The following PPP2R3B variants were observed in gnomAD, a reference collection of about 807,000 sequenced individuals.
PPP2R3B encodes the protein serine/threonine-protein phosphatase 2A regulatory subunit B'' subunit beta.
A neutral mutation model predicts 72.9 loss-of-function variants in PPP2R3B; 68 were observed. The ratio of observed to expected loss-of-function variants is 0.93; its 90% confidence interval spans 0.77 to 1.14. The LOEUF (loss-of-function observed/expected upper bound fraction) is 1.14. Ranked by LOEUF, PPP2R3B falls within the 50% of genes most tolerant of loss-of-function variation. PPP2R3B has a pLI of 0.00. For synonymous variants in PPP2R3B, 466 were observed against 375.8 expected (o/e 1.24, Z -2.78); for missense variants, 1,018 against 842.0 (o/e 1.21, Z -2.59).
chrX:348,107 C>T (rs1183460742), intron 2 of PPP2R3B, among the ~76,000 whole-genome samples: 2 of 152,164 alleles, frequency 1.3e-5, no homozygotes, highest in East Asian at 3.9e-4. Flanking sequence ...CAGCAGCGAC[C>T]CATGGCAGGT....
intron 1 of PPP2R3B, among the ~76,000 whole-genome samples, chrX:377,553 C>A (rs1456446019): frequency 1.2e-5 from 1 of 85,316 alleles, no homozygotes. Flanking sequence ...CCGTCCACAC[C>A]CAGTGGGGCC....
At chrX:385,421 C>T (rs1219118452) in intron 1 of PPP2R3B, among the ~76,000 whole-genome samples, 1 of 145,820 alleles carries the variant, frequency 6.9e-6, no homozygotes, top group East Asian at 2.1e-4. Flanking sequence ...TCTCCTGCCT[C>T]AGCCTCCCGG....
In PPP2R3B at chrX:356,691, C is replaced by T. The variant is rs118006919; in HGVS notation, c.510+4714G>A. Among the ~76,000 whole-genome samples the T allele has an allele frequency of 3.5e-3, 526 of 152,350 alleles. 3 individuals carry two copies. The highest frequency in any genetic ancestry group is 0.024 in the Middle Eastern group (7 of 294). Reference sequence around the variant, plus strand: ...AGCAAAAACCAAAGCAACCAGACGTCTATCAACCCTGGAACAGGGGAGAGA... The same window carrying T: ...AGCAAAAACCAAAGCAACCAGACGTTTATCAACCCTGGAACAGGGGAGAGA... On this transcript the variant is annotated intron_variant, in intron 2 of 12. Coordinates refer to ENST00000390665, the MANE Select transcript of PPP2R3B (RefSeq NM_013239.5).
intron 2 of PPP2R3B, among the ~76,000 whole-genome samples, chrX:354,274 C>T (rs954983007): frequency 2.1e-4 from 31 of 149,366 alleles, no homozygotes; most frequent in African/African-American, 6.9e-4. Context: ...ACCAGGGGCT[C>T]ACCCAAACAC....
chrX:346,631 C>T (rs1211564830), intron 5 of PPP2R3B, 70 bp downstream of exon 5: 1 of 1,444,324 alleles, frequency 6.9e-7, no homozygotes, highest in Non-Finnish European at 9.5e-7. Context: ...CCGCAGAAGC[C>T]CCGCGGCGGC....
At chrX:364,096 G>A (rs1027768686) in intron 1 of PPP2R3B, among the ~76,000 whole-genome samples, 14 of 152,220 alleles carry the variant, frequency 9.2e-5, no homozygotes, top group African/African-American at 3.1e-4. Flanking sequence ...TGGGCCGAGC[G>A]GGCTCACCCG....
chrX:339,300 C>T (rs745875802), intron 10 of PPP2R3B, among the ~76,000 whole-genome samples: 83 of 140,030 alleles, frequency 5.9e-4, no homozygotes, highest in African/African-American at 2.2e-3. Context: ...AGGGCGGTGC[C>T]CGGGCCTCAG....
chrX:340,944 C>T lies in PPP2R3B; in HGVS notation c.1176-4G>A, dbSNP rs369447243. ...GCAGCGGAACCAGTACTCGATGCTG[C>T]GGCACGGCGAGCTCTGTCAGCCCCT... On this transcript the variant is annotated splice_region_variant and splice_polypyrimidine_tract_variant and intron_variant, in intron 9 of 12. Transcript: ENST00000390665. 1.6e-5 allele frequency: 25 copies of T among 1,607,768 alleles called. No homozygotes were observed. The highest frequency in any genetic ancestry group is 3.8e-4 in the Middle Eastern group (2 of 5,274).
At chrX:346,440 G>A (rs1176857614) in intron 5 of PPP2R3B, 180 bp from the exon 6 acceptor site, 3 of 661,950 alleles carry the variant, frequency 4.5e-6, no homozygotes, top group African/African-American at 3.8e-5. Context: ...CGCGGAAAGC[G>A]GGGAGGGTCT....
At chrX:379,595 C>G (rs1479734636) in intron 1 of PPP2R3B, among the ~76,000 whole-genome samples, 3 of 152,240 alleles carry the variant, frequency 2.0e-5, no homozygotes, top group African/African-American at 4.8e-5. Context: ...GACACCAAAA[C>G]TGAGTAGCTT....
At chrX:380,937 T>G (rs745742666) in intron 1 of PPP2R3B, among the ~76,000 whole-genome samples, 11 of 151,468 alleles carry the variant, frequency 7.3e-5, no homozygotes, top group African/African-American at 2.7e-4. Flanking sequence ...GCGTTTTCTT[T>G]CTTTTTTTTT....
At position 347,697 on chromosome X, in the gene PPP2R3B, G is replaced by C. The variant is rs781182886; in HGVS notation, c.511-4C>G. ...AGTAGAGGGGGCAGCCGCAGGCCTG[G>C]GGCAGAGAGGGCAGGAGTGGGCAGT... On this transcript the variant is annotated splice_region_variant and splice_polypyrimidine_tract_variant and intron_variant, in intron 2 of 12. Transcript: ENST00000390665. The C allele has an allele frequency of 1.3e-6, 2 of 1,529,324 alleles. No individual in the cohort carries two copies. Among genetic ancestry groups the C allele is most frequent in the South Asian group, 2.4e-5 (2 of 82,038 alleles). 94.7% of individuals were successfully genotyped at this position (1,529,324 alleles called of 1,614,324 possible). A position where few individuals can be genotyped will look rare whatever the true frequency, so the allele number is the denominator to read the frequency against.
intron 2 of PPP2R3B, among the ~76,000 whole-genome samples, chrX:348,697 C>T (rs1265094244): frequency 6.6e-6 from 1 of 152,060 alleles, no homozygotes; most frequent in Non-Finnish European, 1.5e-5. Flanking sequence ...AAACAGACTC[C>T]CCGATGAACA....
At chrX:379,135 A>C (rs1295258393) in intron 1 of PPP2R3B, among the ~76,000 whole-genome samples, 4 of 140,342 alleles carry the variant, frequency 2.9e-5, no homozygotes, top group Admixed American at 2.2e-4. Context: ...GTATGCACCT[A>C]TGTGTGTGTA....
chrX:341,523 C>T (rs1434864689), intron 8 of PPP2R3B, 127 bp from the exon 9 acceptor site: 3 of 896,884 alleles, frequency 3.3e-6, no homozygotes, highest in South Asian at 1.5e-5. Context: ...TGCCCCCCTC[C>T]TGCCCCTCCT....
chrX:341,747 G>T, intron 8 of PPP2R3B, 136 bp downstream of exon 8: 2 of 942,554 alleles, frequency 2.1e-6, no homozygotes, highest in Non-Finnish European at 3.5e-6. Flanking sequence ...AGAGACACGT[G>T]CCCCCCTCGC....
rs191449936 is a variant in PPP2R3B at position 340,576 on chromosome X, C to T, written c.1351+189G>A. On this transcript the variant is annotated intron_variant, in intron 10 of 12. Transcript: ENST00000390665. ...TCCCCCCTCCCGTCCGTCCCCTCAC[C>T]CTGGGCCGTCCTCCCTCCCGTCCGT... is the stretch of plus-strand genomic sequence containing the variant. Among the ~76,000 whole-genome samples the T allele has an allele frequency of 6.2e-4, 79 of 127,802 alleles. 1 individual carries two copies. The highest frequency in any genetic ancestry group is 3.9e-3 in the Admixed American group (50 of 12,818). The allele number at this position is 127,802 out of a possible 152,430, so 83.8% of individuals were successfully genotyped here.
intron 7 of PPP2R3B, 180 bp downstream of exon 7, chrX:345,336 C>CG: frequency 1.1e-6 from 1 of 896,878 alleles, no homozygotes; most frequent in Non-Finnish European, 1.8e-6. Flanking sequence ...GACCCAGACA[C>CG]GGGGCAGCGA....
intron 8 of PPP2R3B, 96 bp from the exon 9 acceptor site, chrX:341,492 C>CCCCA: frequency 7.6e-7 from 1 of 1,308,118 alleles, no homozygotes; most frequent in African/African-American, 1.5e-5. Flanking sequence ...GAGGGGAGCC[C>CCCCA]CCCGGGCCCG....
Sources: gnomAD v4.1 joint callset for allele counts (sites outside exome capture counted in the v4.1 genomes callset) on GRCh38, gnomAD v4.1.1 for gene constraint, MANE v1.5 for transcripts, NCBI Gene and HGNC (gene_info 2026-07-23, HGNC 2026-07-21) for gene names.